The following KIFC3 variants were observed in gnomAD, a reference collection of about 807,000 sequenced individuals.
KIFC3 encodes kinesin-like protein KIFC3.
In KIFC3, 60 loss-of-function variants were observed where a neutral mutation model predicts 101.8. That is an observed-to-expected ratio of 0.59 (90% CI 0.48 to 0.73). The LOEUF is 0.73. Among genes scored for constraint, KIFC3 ranks in the 30% least tolerant of loss-of-function variants. The pLI is 0.00. For synonymous variants in KIFC3, 476 were observed against 482.7 expected (o/e 0.99, Z 0.18); for missense variants, 966 against 1,137.1 (o/e 0.85, Z 2.16).
chr16:57,812,550 T>G (rs1555627969), intron 1 of KIFC3, among the ~76,000 whole-genome samples: 1 of 152,108 alleles, frequency 6.6e-6, no homozygotes, highest in Non-Finnish European at 1.5e-5. Flanking sequence ...GGCCCTGGCC[T>G]TTGGTGCTTG....
At chr16:57,773,421 C>T (rs568848112) in intron 3 of KIFC3, among the ~76,000 whole-genome samples, 4 of 152,328 alleles carry the variant, frequency 2.6e-5, no homozygotes, top group East Asian at 1.9e-4. Context: ...CACCCAGCAT[C>T]GCCAAAATTC....
chr16:57,812,334 GC>G (rs2055104906), intron 1 of KIFC3, among the ~76,000 whole-genome samples: 1 of 140,014 alleles, frequency 7.1e-6, no homozygotes, highest in African/African-American at 2.7e-5. Flanking sequence ...GAGCCACTGC[GC>G]CCAGCCCCCC....
At chr16:57,846,571 C>T (rs555636433) in intron 1 of KIFC3, 2 of 152,376 alleles carry the variant, frequency 1.3e-5, no homozygotes, top group Admixed American at 1.3e-4. Context: ...ATGTCAAACC[C>T]TTTAAGGAAG....
At chr16:57,775,351 T>C (rs1223435008) in intron 3 of KIFC3, 1 of 1,120,826 alleles carries the variant, frequency 8.9e-7, no homozygotes, top group Non-Finnish European at 1.1e-6. Context: ...CGCAGCAGAC[T>C]GGCACCACGA....
At chr16:57,762,111 G>A in intron 13 of KIFC3, 29 bp downstream of exon 13, 1 of 1,564,088 alleles carries the variant, frequency 6.4e-7, no homozygotes, top group Non-Finnish European at 8.7e-7. Flanking sequence ...TGCCCCTGAG[G>A]CCTGCTCCGC....
At chr16:57,841,571 G>A (rs781433667) in intron 1 of KIFC3, among the ~76,000 whole-genome samples, 18 of 152,118 alleles carry the variant, frequency 1.2e-4, no homozygotes, top group African/African-American at 1.7e-4. Context: ...GGAGGCCGAG[G>A]CAGGAGAATT....
intron 3 of KIFC3, among the ~76,000 whole-genome samples, chr16:57,772,970 T>A (rs781786316): frequency 1.3e-5 from 2 of 152,208 alleles, no homozygotes; most frequent in African/African-American, 4.8e-5. Flanking sequence ...GACACCATCA[T>A]GGTGCCAGTC....
At chr16:57,766,446 G>A (rs1240336754) in intron 10 of KIFC3, among the ~76,000 whole-genome samples, 2 of 152,190 alleles carry the variant, frequency 1.3e-5, no homozygotes, top group African/African-American at 4.8e-5. Context: ...GCAGTCTGTG[G>A]GGCCACGACC....
chr16:57,780,736 G>A (rs1205052666), intron 3 of KIFC3, among the ~76,000 whole-genome samples: 5 of 135,824 alleles, frequency 3.7e-5, no homozygotes, highest in African/African-American at 5.5e-5. Context: ...GTGCAGTGGC[G>A]CAATCTTGGC....
intron 17 of KIFC3, 143 bp downstream of exon 17, chr16:57,760,139 G>T: frequency 1.0e-6 from 1 of 988,212 alleles, no homozygotes; most frequent in Non-Finnish European, 1.5e-6. Flanking sequence ...CTGGCTGTGG[G>T]TTCCAGCCGT....
At chr16:57,765,355 C>G (rs1417489949) in intron 11 of KIFC3, 104 bp downstream of exon 11, 9 of 1,157,154 alleles carry the variant, frequency 7.8e-6, no homozygotes, top group Non-Finnish European at 1.1e-5. Flanking sequence ...GATTCCTGCA[C>G]CCCCCACTCT....
chr16:57,777,068 A>G (rs1194420011), intron 3 of KIFC3: 1 of 152,256 alleles, frequency 6.6e-6, no homozygotes, highest in African/African-American at 2.4e-5. Flanking sequence ...TAAACAATCC[A>G]AAAAGGAAAT....
chr16:57,783,193 AAGGTT>A (rs2052925979), intron 3 of KIFC3, among the ~76,000 whole-genome samples: 1 of 152,240 alleles, frequency 6.6e-6, no homozygotes, highest in Admixed American at 6.5e-5. Context: ...AAAGTCACAA[AAGGTT>A]AGATACTACG....
At chr16:57,794,970 C>G (rs782260322) in intron 3 of KIFC3, 29 bp downstream of exon 3, 1 of 1,519,034 alleles carries the variant, frequency 6.6e-7, no homozygotes. Context: ...AGCCAAGGCA[C>G]ATGCAGCCTG....
Position 57,802,028 on chromosome 16 carries a change from C to T in KIFC3, c.-40+342G>A, listed in dbSNP as rs573503220. On this transcript the variant is annotated intron_variant, in intron 1 of 19. Coordinates refer to ENST00000445690, the MANE Select transcript of KIFC3 (RefSeq NM_001130100.2). The surrounding 1 kb of genome is among the most constrained non-coding windows in gnomAD (Gnocchi z 5.0). The stretch of plus-strand genomic sequence containing the variant: ...GGAGCCCTGGGGGTGGGGAAGACGC[C>T]AGGAAGGGGAGAGGGCGGCGCCGAT... Among the ~76,000 whole-genome samples the T allele has an allele frequency of 2.9e-4, 44 of 152,234 alleles. No homozygotes were observed. The highest frequency in any genetic ancestry group is 5.4e-4 in the Non-Finnish European group (37 of 68,030).
intron 1 of KIFC3, among the ~76,000 whole-genome samples, chr16:57,861,104 G>T (rs987542593): frequency 1.3e-5 from 2 of 152,152 alleles, no homozygotes; most frequent in African/African-American, 4.8e-5. Flanking sequence ...CTTGTGACGG[G>T]CTATTAGTAT....
At chr16:57,791,992 CAG>C (rs2053910806) in intron 3 of KIFC3, among the ~76,000 whole-genome samples, 1 of 152,216 alleles carries the variant, frequency 6.6e-6, no homozygotes, top group Non-Finnish European at 1.5e-5. Flanking sequence ...GTGTTCAGAT[CAG>C]GGGCTGGGAC....
chr16:57,758,826 G>T lies in KIFC3; in HGVS notation c.*108C>A. The T allele has an allele frequency of 6.3e-7, 1 of 1,594,514 alleles. No homozygotes were observed. The stretch of plus-strand genomic sequence containing the variant: ...CGCCTCTACCTCCGGGGGTCCTGGC[G>T]CTGCAGCAGGGACAGGCCAGTGAGG... On this transcript the variant is annotated 3_prime_UTR_variant, in exon 20 of 20. Transcript: ENST00000445690.
In KIFC3 at chr16:57,802,015, G is replaced by A. The variant is rs1598171355; in HGVS notation, c.-40+355C>T. Among the ~76,000 whole-genome samples the A allele has an allele frequency of 1.3e-5, 2 of 152,258 alleles. No homozygotes were observed. Among genetic ancestry groups the A allele is most frequent in the African/African-American group, 4.8e-5 (2 of 41,486 alleles). On this transcript the variant is annotated intron_variant, in intron 1 of 19. Transcript: ENST00000445690. The surrounding 1 kb of genome is among the most constrained non-coding windows in gnomAD (Gnocchi z 5.0). ...GGCAGCCTTCCAGGGAGCCCTGGGG[G>A]TGGGGAAGACGCCAGGAAGGGGAGA...
Sources: allele counts gnomAD v4.1 joint callset (sites outside exome capture counted in the v4.1 genomes callset), GRCh38; gene constraint gnomAD v4.1.1; non-coding constraint Gnocchi (gnomAD v3.1); transcripts MANE v1.5; gene names NCBI Gene and HGNC (gene_info 2026-07-23, HGNC 2026-07-21).